TSPAN4: variants seen among roughly 807,000 people sequenced by gnomAD.
The protein encoded by TSPAN4 is tetraspanin-4.
In TSPAN4, 38 loss-of-function variants were observed where a neutral mutation model predicts 31.5. That is an observed-to-expected ratio of 1.21 (90% CI 0.93 to 1.58). The LOEUF (loss-of-function observed/expected upper bound fraction) is 1.58, where lower values mean the gene tolerates loss of function less well. Ranked by LOEUF, TSPAN4 falls within the 40% of genes most tolerant of loss-of-function variation. The pLI is 0.00. For missense variants in TSPAN4, 330 were observed against 317.3 expected, an observed-to-expected ratio of 1.04 and a Z score of -0.30; for synonymous variants, 186 against 144.6, an observed-to-expected ratio of 1.29 and a Z score of -2.06.
At chr11:856,188 CT>C (rs1324756439) in intron 3 of TSPAN4, among the ~76,000 whole-genome samples, 1 of 149,674 alleles carries the variant, frequency 6.7e-6, no homozygotes, top group African/African-American at 2.4e-5. Flanking sequence ...CCCCGAGCCT[CT>C]TGGGTGGGTG....
intron 5 of TSPAN4, 126 bp from the exon 6 acceptor site, chr11:865,387 C>A: frequency 2.8e-6 from 2 of 713,546 alleles, no homozygotes; most frequent in Non-Finnish European, 4.8e-6. Context: ...GCTTGGTGGG[C>A]TAGGAGGCGC....
At chr11:843,484 C>T (rs1847093661) in intron 1 of TSPAN4, 1 of 152,254 alleles carries the variant, frequency 6.6e-6, no homozygotes, top group South Asian at 2.1e-4. Flanking sequence ...CTGGAAGACC[C>T]CGGCACAGGG....
chr11:855,204 G>A lies in TSPAN4; in HGVS notation c.63+4837G>A, dbSNP rs570257952. On this transcript the variant is annotated intron_variant, in intron 3 of 8. Coordinates refer to ENST00000397397, the MANE Select transcript of TSPAN4 (RefSeq NM_003271.5). ...GGCAGGCCGGGCCTCTGTGTGGAGA[G>A]GGCTGTCTCTGGGGGCAGAGATGTG... Among the ~76,000 whole-genome samples, 324 of 152,290 alleles carry A rather than the reference G, an allele frequency of 2.1e-3. 2 individuals are homozygous for A. Among genetic ancestry groups the A allele is most frequent in the Middle Eastern group, 0.014 (4 of 294 alleles).
chr11:864,824 C>T (rs752887809), intron 5 of TSPAN4: 23 of 504,960 alleles, frequency 4.6e-5, no homozygotes, highest in African/African-American at 2.7e-4. Context: ...GGCCGCGCAC[C>T]GTGGGGTTCT....
In TSPAN4 at chr11:866,823, C is replaced by A; in HGVS notation, c.*193C>A. 1.7e-6 allele frequency: 1 copy of A among 588,004 alleles called. No homozygotes were observed. The highest frequency in any genetic ancestry group is 3.1e-5 in the East Asian group (1 of 32,186). The allele number at this position is 588,004 out of a possible 1,614,324, so 36.4% of individuals were successfully genotyped here. ...CAGGTGGCTTCAGGGCCTCCGGACC[C>A]CCCCTGGGAGGGGTGGCCACGTGCT... On this transcript the variant is annotated 3_prime_UTR_variant, in exon 9 of 9. Coordinates refer to ENST00000397397, the MANE Select transcript of TSPAN4 (RefSeq NM_003271.5).
At chr11:866,531 G>C in intron 8 of TSPAN4, 31 bp from the exon 9 acceptor site, 2 of 1,605,022 alleles carry the variant, frequency 1.2e-6, no homozygotes, top group Non-Finnish European at 8.5e-7. Flanking sequence ...CTGTGGAGCT[G>C]CCATGCCCAG....
chr11:846,849 T>C (rs1847350014), intron 1 of TSPAN4, among the ~76,000 whole-genome samples: 1 of 152,186 alleles, frequency 6.6e-6, no homozygotes, highest in South Asian at 2.1e-4. Context: ...AGCATGTGTC[T>C]TGGCCTGTGT....
chr11:865,933 G>A lies in TSPAN4; in HGVS notation c.580G>A (p.Val194Met), dbSNP rs1299754614. Residue 194 changes from valine to methionine, a missense_variant, in exon 8 of 9, where the codon GTG becomes ATG. By Grantham distance (21) the Val-to-Met change is conservative (BLOSUM62 1). Coordinates refer to ENST00000397397, the MANE Select transcript of TSPAN4 (RefSeq NM_003271.5). The stretch of plus-strand genomic sequence containing the variant: ...CTCCCTGCAGCCGTGCTACGAGACG[G>A]TGAAGGTGTGGCTTCAGGAGAACCT... Reference protein sequence around the residue: ...TWWKAPCYETVKVWLQENLLA... With the variant: ...TWWKAPCYETMKVWLQENLLA... The A allele has an allele frequency of 1.2e-6, 2 of 1,613,110 alleles. No individual in the cohort carries two copies. The highest frequency in any genetic ancestry group is 2.2e-5 in the South Asian group (2 of 91,062).
chr11:853,731 A>G (rs941690339), intron 3 of TSPAN4, among the ~76,000 whole-genome samples: 4 of 152,148 alleles, frequency 2.6e-5, no homozygotes, highest in Non-Finnish European at 5.9e-5. Flanking sequence ...GGGACATGCT[A>G]CCTGCCTTCA....
chr11:844,272 C>G (rs1847159460), intron 1 of TSPAN4: 1 of 151,942 alleles, frequency 6.6e-6, no homozygotes, highest in Non-Finnish European at 1.5e-5. Context: ...GAGGAGGGTC[C>G]AGGGCCTGTC....
intron 2 of TSPAN4, 81 bp from the exon 3 acceptor site, chr11:850,207 C>T (rs138052940): frequency 0.046 from 54,278 of 1,186,512 alleles, 1,622 homozygotes; most frequent in South Asian, 0.11. Context: ...GGCCCCAAGG[C>T]GGCCCAGGCG....
intron 3 of TSPAN4, 93 bp downstream of exon 3, chr11:850,460 G>A (rs1005286174): frequency 5.7e-5 from 64 of 1,123,510 alleles, no homozygotes; most frequent in Non-Finnish European, 7.5e-5. Context: ...TCGCTGCCCC[G>A]GCCAGGCGTT....
chr11:855,138 G>C (rs61257503), intron 3 of TSPAN4, among the ~76,000 whole-genome samples: 8 of 152,136 alleles, frequency 5.3e-5, no homozygotes, highest in Non-Finnish European at 1.0e-4. Flanking sequence ...CTGGCTCCAC[G>C]GGGCCTCTGC....
intron 3 of TSPAN4, chr11:858,621 CT>C (rs199979701): frequency 6.5e-6 from 1 of 154,740 alleles, no homozygotes; most frequent in Non-Finnish European, 1.4e-5. Flanking sequence ...CTCACACGCA[CT>C]CCGGCCCACA....
intron 1 of TSPAN4, chr11:844,137 G>A (rs1361728520): frequency 6.6e-6 from 1 of 152,492 alleles, no homozygotes; most frequent in Non-Finnish European, 1.5e-5. Context: ...AGTAACGGTG[G>A]CCTGGGGTCA....
At position 865,724 on chromosome 11, in the gene TSPAN4, G is replaced by A; in HGVS notation, c.463G>A (p.Asp155Asn). 1.2e-6 allele frequency: 2 copies of A among 1,613,452 alleles called. No individual in the cohort carries two copies. The highest frequency in any genetic ancestry group is 1.7e-6 in the Non-Finnish European group (2 of 1,179,954). ...CTGCTGTGGCGTCTCCAACTACACTGACTGGTTCGAGGTGTACAACGCCAC... is the reference window on the plus strand; with the variant it reads ...CTGCTGTGGCGTCTCCAACTACACTAACTGGTTCGAGGTGTACAACGCCAC... ...FRCCGVSNYT[D>N]WFEVYNATRV... The change falls in exon 7 of 9, where the codon GAC becomes AAC. Residue 155 changes from aspartate (D) to asparagine (N), a missense_variant. Coordinates refer to ENST00000397397, the MANE Select transcript of TSPAN4 (RefSeq NM_003271.5).
At chr11:850,712 G>T (rs1274816102) in intron 3 of TSPAN4, among the ~76,000 whole-genome samples, 2 of 152,244 alleles carry the variant, frequency 1.3e-5, no homozygotes, top group Non-Finnish European at 2.9e-5. Context: ...CTAGGGTCGG[G>T]GTTCGAGTCC....
intron 3 of TSPAN4, among the ~76,000 whole-genome samples, chr11:859,198 C>T (rs1848268507): frequency 7.7e-6 from 1 of 129,484 alleles, no homozygotes; most frequent in Non-Finnish European, 1.6e-5. Flanking sequence ...TCACATGCAC[C>T]CAGGCTCACA....
intron 3 of TSPAN4, among the ~76,000 whole-genome samples, chr11:851,468 T>G (rs903940372): frequency 6.6e-6 from 1 of 152,040 alleles, no homozygotes; most frequent in African/African-American, 2.4e-5. Context: ...CCTTCCCACC[T>G]CTCCCCTCCT....
Sources: gnomAD v4.1 joint callset for allele counts (sites outside exome capture counted in the v4.1 genomes callset) on GRCh38, gnomAD v4.1.1 for gene constraint, MANE v1.5 for transcripts, NCBI Gene and HGNC (gene_info 2026-07-23, HGNC 2026-07-21) for gene names.